TAFA2: variants seen among roughly 807,000 people sequenced by gnomAD.
TAFA2 encodes TAFA chemokine like family member 2.
Under a neutral mutation model 18.8 loss-of-function variants are expected in TAFA2, and 7 were observed. The observed-to-expected ratio is 0.37, with a 90% CI of 0.21 to 0.70. The LOEUF is 0.70. Among genes scored for constraint, TAFA2 ranks in the 30% least tolerant of loss-of-function variants. The pLI, the probability that TAFA2 is intolerant of heterozygous loss-of-function variation, is 0.53. For missense variants in TAFA2, 122 were observed against 158.1 expected, an observed-to-expected ratio of 0.77 and a Z score of 1.23; for synonymous variants, 60 against 54.2, an observed-to-expected ratio of 1.11 and a Z score of -0.47.
chr12:61,961,667 C>A (rs1262139985), intron 1 of TAFA2, among the ~76,000 whole-genome samples: 1 of 151,948 alleles, frequency 6.6e-6, no homozygotes, highest in Non-Finnish European at 1.5e-5. Flanking sequence ...CACAACAGAT[C>A]CTACAACTCC....
At chr12:61,814,779 GA>G (rs1872010091) in intron 2 of TAFA2, among the ~76,000 whole-genome samples, 1 of 151,336 alleles carries the variant, frequency 6.6e-6, no homozygotes, top group South Asian at 2.1e-4. Context: ...GTCAGAGTCC[GA>G]AAAGGCAATA....
chr12:61,888,521 A>C (rs532488689), intron 1 of TAFA2, among the ~76,000 whole-genome samples: 1 of 152,218 alleles, frequency 6.6e-6, no homozygotes, highest in Non-Finnish European at 1.5e-5. Flanking sequence ...TCCTACAAAC[A>C]CAGAAAGTGG....
rs1383105639 is a variant in TAFA2, at chr12:62,123,770, C to T, written c.-2+67489G>A. 7.4e-5 allele frequency among the ~76,000 whole-genome samples: 6 copies of T among 80,896 alleles called. No homozygotes were observed. In the South Asian group the frequency reaches 2.5e-3, roughly 34 times the overall value. The allele number at this position is 80,896 out of a possible 152,430, so 53.1% of individuals were successfully genotyped here. On this transcript the variant is annotated intron_variant, in intron 1 of 4. Transcript: ENST00000416284. ...ACCCCACATATTCTCAAATCTCCCC[C>T]ACCACACACATACACACACACACAC...
At chr12:61,817,478 T>C (rs978060362) in intron 2 of TAFA2, among the ~76,000 whole-genome samples, 1 of 152,206 alleles carries the variant, frequency 6.6e-6, no homozygotes, top group Non-Finnish European at 1.5e-5. Context: ...GGAACTTATA[T>C]GGCTTTGACT....
At chr12:61,896,712 T>G (rs1260139074) in intron 1 of TAFA2, among the ~76,000 whole-genome samples, 1 of 152,046 alleles carries the variant, frequency 6.6e-6, no homozygotes, top group Non-Finnish European at 1.5e-5. Context: ...TAAAATTGAA[T>G]AAAGGAAAAA....
chr12:61,968,690 T>C (rs1457292837), intron 1 of TAFA2, among the ~76,000 whole-genome samples: 1 of 151,808 alleles, frequency 6.6e-6, no homozygotes, highest in Non-Finnish European at 1.5e-5. Flanking sequence ...TCACACATTA[T>C]CTTAGTCAAT....
chr12:62,241,985 C>T (rs2062865105), intron 1 of TAFA2, among the ~76,000 whole-genome samples: 1 of 152,154 alleles, frequency 6.6e-6, no homozygotes, highest in African/African-American at 2.4e-5. Context: ...AGAGTTCATA[C>T]TGAGCAGTGA....
chr12:61,730,322 T>C (rs1425099717), intron 4 of TAFA2, among the ~76,000 whole-genome samples: 1 of 152,086 alleles, frequency 6.6e-6, no homozygotes, highest in Non-Finnish European at 1.5e-5. Context: ...TTCTAAGTTG[T>C]TATAATATCT....
chr12:62,151,317 C>T (rs2062327083), intron 1 of TAFA2, among the ~76,000 whole-genome samples: 1 of 152,194 alleles, frequency 6.6e-6, no homozygotes, highest in Non-Finnish European at 1.5e-5. Flanking sequence ...ACAGTGACTG[C>T]CTGCTGTCCA....
intron 4 of TAFA2, among the ~76,000 whole-genome samples, chr12:61,723,367 G>T (rs1869994000): frequency 6.6e-6 from 1 of 152,126 alleles, no homozygotes; most frequent in Admixed American, 6.6e-5. Context: ...AACAATGGAT[G>T]CATGGAGAGA....
At chr12:61,974,426 A>G (rs1194937751) in intron 1 of TAFA2, among the ~76,000 whole-genome samples, 1 of 151,830 alleles carries the variant, frequency 6.6e-6, no homozygotes, top group Non-Finnish European at 1.5e-5. Flanking sequence ...AATAAAATGT[A>G]TATTATGTTT....
At chr12:62,249,385 T>A (rs1298506924) in intron 1 of TAFA2, among the ~76,000 whole-genome samples, 9 of 152,060 alleles carry the variant, frequency 5.9e-5, no homozygotes, top group Non-Finnish European at 1.0e-4. Flanking sequence ...TTGGCTTAAA[T>A]TAACTCTCTA....
intron 1 of TAFA2, among the ~76,000 whole-genome samples, chr12:62,180,646 G>A (rs1396452934): frequency 1.3e-5 from 2 of 152,028 alleles, no homozygotes; most frequent in African/African-American, 4.8e-5. Context: ...GAATTTAGAA[G>A]CCTTACTTAA....
chr12:62,049,950 T>C (rs191339015), intron 1 of TAFA2, among the ~76,000 whole-genome samples: 1 of 152,256 alleles, frequency 6.6e-6, no homozygotes, highest in East Asian at 1.9e-4. Flanking sequence ...AATTTGCAAA[T>C]TGCCACATGA....
At chr12:61,950,062 T>C (rs1055372965) in intron 1 of TAFA2, among the ~76,000 whole-genome samples, 12 of 152,164 alleles carry the variant, frequency 7.9e-5, no homozygotes, top group Admixed American at 7.9e-4. Context: ...CATAATGTCC[T>C]CAAGTTTCAT....
intron 1 of TAFA2, among the ~76,000 whole-genome samples, chr12:62,106,959 G>C (rs559322361): frequency 1.3e-5 from 2 of 152,110 alleles, no homozygotes; most frequent in Admixed American, 1.3e-4. Flanking sequence ...CCTCTCTGCT[G>C]TTCCCCCTGT....
chr12:61,780,965 AG>A, intron 2 of TAFA2, among the ~76,000 whole-genome samples: 1 of 151,860 alleles, frequency 6.6e-6, no homozygotes, highest in South Asian at 2.1e-4. Context: ...AATTTGCTCG[AG>A]TCAGACAACT....
At chr12:61,880,120 G>C (rs750426298) in intron 1 of TAFA2, 12 of 611,236 alleles carry the variant, frequency 2.0e-5, no homozygotes, top group Admixed American at 4.6e-5. Flanking sequence ...TCAAGGCCCA[G>C]TATAAGGAGA....
intron 1 of TAFA2, among the ~76,000 whole-genome samples, chr12:61,888,104 A>G (rs915691361): frequency 6.6e-5 from 10 of 152,024 alleles, no homozygotes; most frequent in Non-Finnish European, 1.5e-4. Context: ...GGATGTGGAG[A>G]AACAGGAACA....
Sources: allele counts gnomAD v4.1 joint callset (sites outside exome capture counted in the v4.1 genomes callset), GRCh38; gene constraint gnomAD v4.1.1; transcripts MANE v1.5; gene names NCBI Gene and HGNC (gene_info 2026-07-23, HGNC 2026-07-21).